The following UBR3 variants were observed in gnomAD, a reference collection of about 807,000 sequenced individuals.
UBR3 encodes the protein E3 ubiquitin-protein ligase UBR3.
UBR3 carries 85 observed loss-of-function variants against 243.2 expected under a neutral mutation model. The ratio of observed to expected loss-of-function variants is 0.35; its 90% CI spans 0.29 to 0.42. The LOEUF (loss-of-function observed/expected upper bound fraction) is 0.42, where lower values mean the gene tolerates loss of function less well. UBR3 is among the 10% of genes least tolerant of loss of function. The pLI, the probability that UBR3 is intolerant of heterozygous loss-of-function variation, is 1.00. For synonymous variants in UBR3, 748 were observed against 799.8 expected (o/e 0.94, Z 1.09); for missense variants, 1,686 against 2,300.8 (o/e 0.73, Z 5.47).
intron 24 of UBR3, 150 bp from the exon 25 acceptor site, chr2:169,986,495 G>T: frequency 1.6e-6 from 1 of 608,626 alleles, no homozygotes; most frequent in Non-Finnish European, 2.7e-6. Flanking sequence ...TATTTTACTT[G>T]AGTAAGGTTA....
At chr2:169,914,491 A>G (rs1157519833) in intron 11 of UBR3, among the ~76,000 whole-genome samples, 2 of 152,188 alleles carry the variant, frequency 1.3e-5, no homozygotes, top group African/African-American at 2.4e-5. Context: ...TGTGAATAGG[A>G]TAGGGGAGAT....
intron 24 of UBR3, among the ~76,000 whole-genome samples, chr2:169,983,929 G>A (rs1257879358): frequency 6.6e-6 from 1 of 152,188 alleles, no homozygotes; most frequent in African/African-American, 2.4e-5. Flanking sequence ...GAATTGAACT[G>A]AAAGTTAAAG....
At chr2:170,004,333 C>T (rs1032498303) in intron 27 of UBR3, among the ~76,000 whole-genome samples, 1 of 152,132 alleles carries the variant, frequency 6.6e-6, no homozygotes, top group African/African-American at 2.4e-5. Context: ...TTGGAAATAA[C>T]AAAGTCTCAC....
intron 5 of UBR3, among the ~76,000 whole-genome samples, chr2:169,884,742 C>T (rs983474168): frequency 4.0e-5 from 6 of 151,586 alleles, no homozygotes; most frequent in African/African-American, 9.7e-5. Flanking sequence ...TGAGTTTGCG[C>T]GATTTATTTG....
At chr2:169,926,413 CCCTGTCTCTACTAAAAATACA>C (rs1481074126) in intron 14 of UBR3, among the ~76,000 whole-genome samples, 2 of 152,100 alleles carry the variant, frequency 1.3e-5, no homozygotes, top group Non-Finnish European at 2.9e-5. Context: ...CACGTCGAAA[CCCTGTCTCTACTAAAAATACA>C]AAAATTAGGC....
At chr2:170,048,386 G>C (rs1239130453) in intron 32 of UBR3, among the ~76,000 whole-genome samples, 2 of 152,178 alleles carry the variant, frequency 1.3e-5, no homozygotes, top group East Asian at 3.9e-4. Context: ...GCATCATGCT[G>C]TTGCCACCAT....
At chr2:170,010,761 T>C (rs965823333) in intron 29 of UBR3, among the ~76,000 whole-genome samples, 2 of 151,960 alleles carry the variant, frequency 1.3e-5, no homozygotes, top group Non-Finnish European at 2.9e-5. Context: ...TGAAAATGAG[T>C]GTATATAACA....
chr2:170,074,435 T>G (rs2091763800), intron 36 of UBR3, among the ~76,000 whole-genome samples: 1 of 152,124 alleles, frequency 6.6e-6, no homozygotes. Flanking sequence ...GATGCCCCAT[T>G]GCCTATGGAA....
chr2:169,991,651 C>T (rs538801777), intron 25 of UBR3, among the ~76,000 whole-genome samples: 74 of 152,142 alleles, frequency 4.9e-4, no homozygotes, highest in Admixed American at 2.9e-3. Context: ...GGCGTGGTCT[C>T]GGCTCACTGC....
chr2:169,958,132 C>T (rs1007039877), intron 23 of UBR3, among the ~76,000 whole-genome samples: 20 of 152,276 alleles, frequency 1.3e-4, no homozygotes, highest in African/African-American at 4.6e-4. Context: ...TACCTTCTGA[C>T]GTATACTTAG....
intron 32 of UBR3, among the ~76,000 whole-genome samples, chr2:170,046,676 T>C (rs2091096397): frequency 6.6e-6 from 1 of 152,240 alleles, no homozygotes; most frequent in South Asian, 2.1e-4. Context: ...TATTCCTTAA[T>C]TATTTCATTT....
intron 24 of UBR3, among the ~76,000 whole-genome samples, chr2:169,982,924 C>T (rs1455834985): frequency 6.6e-6 from 1 of 152,186 alleles, no homozygotes; most frequent in Non-Finnish European, 1.5e-5. Context: ...TCATCACCCA[C>T]AGACCCATGG....
intron 35 of UBR3, among the ~76,000 whole-genome samples, chr2:170,071,545 CTA>C (rs1419861618): frequency 6.6e-6 from 1 of 152,016 alleles, no homozygotes; most frequent in Non-Finnish European, 1.5e-5. Context: ...GGGTGCATGA[CTA>C]TACATTTACC....
intron 20 of UBR3, 36 bp downstream of exon 20, chr2:169,942,670 G>C: frequency 1.4e-6 from 2 of 1,456,470 alleles, no homozygotes; most frequent in South Asian, 2.9e-5. Flanking sequence ...ACTAAGCTTA[G>C]AATTTATTTT....
intron 5 of UBR3, among the ~76,000 whole-genome samples, chr2:169,885,692 CT>C (rs1236128186): frequency 2.0e-5 from 3 of 151,970 alleles, no homozygotes; most frequent in Non-Finnish European, 4.4e-5. Flanking sequence ...CCTGTATACT[CT>C]TACATAATTG....
intron 24 of UBR3, among the ~76,000 whole-genome samples, chr2:169,967,239 A>T (rs558833872): frequency 1.5e-5 from 1 of 65,650 alleles, no homozygotes; most frequent in Non-Finnish European, 3.3e-5. Flanking sequence ...TGCCCCCCCC[A>T]CCCCCCTACA....
intron 2 of UBR3, among the ~76,000 whole-genome samples, chr2:169,875,345 T>C (rs781510046): frequency 4.6e-5 from 7 of 152,144 alleles, no homozygotes; most frequent in Non-Finnish European, 8.8e-5. Flanking sequence ...TTTTGTTGTT[T>C]TTGAGATGGG....
chr2:170,078,139 T>G (rs1183052300), intron 36 of UBR3: 2 of 604,224 alleles, frequency 3.3e-6, no homozygotes, highest in East Asian at 3.5e-5. Flanking sequence ...CATGGTGCTG[T>G]TTAAGATAAA....
chr2:170,041,225 C>G (rs892141509), intron 32 of UBR3, among the ~76,000 whole-genome samples: 1 of 152,102 alleles, frequency 6.6e-6, no homozygotes. Context: ...ATGATGGATA[C>G]TTTTTGTGGT....
Sources: allele counts gnomAD v4.1 joint callset (sites outside exome capture counted in the v4.1 genomes callset), GRCh38; gene constraint gnomAD v4.1.1; transcripts MANE v1.5; gene names NCBI Gene and HGNC (gene_info 2026-07-23, HGNC 2026-07-21).